Variants in CACUL1 observed in about 807,000 individuals in gnomAD.
The protein encoded by CACUL1 is CDK2-associated and cullin domain-containing protein 1.
A neutral mutation model predicts 45.2 loss-of-function variants in CACUL1; 13 were observed. The observed-to-expected ratio is 0.29, with a 90% CI of 0.19 to 0.46. The LOEUF (loss-of-function observed/expected upper bound fraction) is 0.46, where lower values mean the gene tolerates loss of function less well. Among genes scored for constraint, CACUL1 ranks in the 20% least tolerant of loss-of-function variants. CACUL1 has a pLI of 1.00. For missense variants in CACUL1, 421 were observed against 471.4 expected, an observed-to-expected ratio of 0.89 and a Z score of 0.99; for synonymous variants, 197 against 174.2, an observed-to-expected ratio of 1.13 and a Z score of -1.03.
At chr10:118,700,240 A>G (rs952104119) in intron 5 of CACUL1, among the ~76,000 whole-genome samples, 1 of 152,196 alleles carries the variant, frequency 6.6e-6, no homozygotes, top group African/African-American at 2.4e-5. Flanking sequence ...CTGCCAACCC[A>G]AATATGTGCC....
chr10:118,712,296 G>A (rs141282447), intron 3 of CACUL1, among the ~76,000 whole-genome samples: 102 of 152,308 alleles, frequency 6.7e-4, no homozygotes, highest in African/African-American at 2.4e-3. Flanking sequence ...AAGTCAGTAC[G>A]TGGTGGTGCC....
intron 1 of CACUL1, among the ~76,000 whole-genome samples, chr10:118,735,821 C>T (rs904994546): frequency 2.6e-5 from 4 of 151,890 alleles, no homozygotes; most frequent in African/African-American, 9.7e-5. Context: ...GTAGTAATGG[C>T]AATTATAAAA....
chr10:118,693,847 C>G, intron 6 of CACUL1: 1 of 425,296 alleles, frequency 2.4e-6, no homozygotes, highest in East Asian at 7.0e-5. Context: ...AAGTAAAGCT[C>G]AAACCCTAGA....
chr10:118,716,280 C>T (rs1435402413), intron 3 of CACUL1, among the ~76,000 whole-genome samples: 2 of 147,734 alleles, frequency 1.4e-5, no homozygotes, highest in Non-Finnish European at 3.0e-5. Flanking sequence ...TACCAACATT[C>T]GTAGAAAATT....
intron 1 of CACUL1, among the ~76,000 whole-genome samples, chr10:118,750,668 A>T (rs1334648328): frequency 6.6e-6 from 1 of 152,242 alleles, no homozygotes; most frequent in East Asian, 1.9e-4. Context: ...TCTGGTCCAC[A>T]GAGACTTCGG....
At chr10:118,688,824 C>T (rs1845233345) in intron 7 of CACUL1, among the ~76,000 whole-genome samples, 1 of 152,154 alleles carries the variant, frequency 6.6e-6, no homozygotes, top group Non-Finnish European at 1.5e-5. Context: ...TTCCATGCAC[C>T]TAACAATTAC....
At chr10:118,703,391 A>G (rs191838159) in intron 4 of CACUL1, among the ~76,000 whole-genome samples, 22 of 151,920 alleles carry the variant, frequency 1.4e-4, no homozygotes, top group African/African-American at 5.3e-4. Flanking sequence ...TGCATCTTGG[A>G]AGATTTTTCT....
intron 1 of CACUL1, among the ~76,000 whole-genome samples, chr10:118,743,920 T>C (rs935613828): frequency 6.6e-6 from 1 of 151,880 alleles, no homozygotes; most frequent in African/African-American, 2.4e-5. Context: ...AACTACATTA[T>C]AAGAAATATT....
At chr10:118,691,880 A>AG (rs1278629416) in intron 6 of CACUL1, among the ~76,000 whole-genome samples, 1,535 of 150,626 alleles carry the variant, frequency 0.01, 18 homozygotes, top group Middle Eastern at 0.021. Flanking sequence ...AAAAAAAAAA[A>AG]AAAAAAAAAA....
chr10:118,676,558 AAT>A lies in CACUL1; in HGVS notation c.*9568_*9569del, dbSNP rs1845099503. 1 of 152,244 alleles carries A rather than the reference AAT, an allele frequency of 6.6e-6. No individual in the cohort carries two copies. The highest frequency in any genetic ancestry group is 2.4e-5 in the African/African-American group (1 of 41,464). The allele number at this position is 152,244 out of a possible 1,614,324, so 9.4% of individuals were successfully genotyped here. A position where few individuals can be genotyped will look rare whatever the true frequency, so the allele number is the denominator to read the frequency against. On this transcript the variant is annotated 3_prime_UTR_variant, in exon 9 of 9. Coordinates refer to ENST00000369151, the MANE Select transcript of CACUL1 (RefSeq NM_153810.5). ...TTAATGAAGTGACTTATTCAGCTACAATAGTCATTAAAACCAAGCATGAAAAT... is the reference window on the plus strand; with the variant it reads ...TTAATGAAGTGACTTATTCAGCTACAAGTCATTAAAACCAAGCATGAAAAT...
chr10:118,709,924 TG>T (rs1427123770), intron 3 of CACUL1, among the ~76,000 whole-genome samples: 1 of 152,092 alleles, frequency 6.6e-6, no homozygotes. Flanking sequence ...TTGTACATTT[TG>T]AGAAAGGTCT....
intron 1 of CACUL1, among the ~76,000 whole-genome samples, chr10:118,744,124 G>A (rs1845818088): frequency 1.3e-5 from 2 of 152,168 alleles, no homozygotes; most frequent in South Asian, 4.1e-4. Flanking sequence ...GGTGGCTCAC[G>A]CCTGTAATCC....
At position 118,754,571 on chromosome 10, in the gene CACUL1, G is replaced by C. The variant is rs1227753296; in HGVS notation, c.192C>G (p.Ser64=). The C allele has an allele frequency of 6.2e-7, 1 of 1,610,254 alleles. No individual in the cohort carries two copies. The stretch of plus-strand genomic sequence containing the variant: ...CCTCCTTGGGGCCTTTCCTGTCCAC[G>C]GAGACCGCGGGCACCGCCAGCAGCT... ...GGQLLAVPAV[S]VDRKGPKEGL... The change falls in exon 1 of 9, where the codon TCC becomes TCG. Residue 64 remains serine, a synonymous_variant. Coordinates refer to ENST00000369151, the MANE Select transcript of CACUL1 (RefSeq NM_153810.5).
At chr10:118,742,983 T>C (rs1236153678) in intron 1 of CACUL1, among the ~76,000 whole-genome samples, 1 of 152,198 alleles carries the variant, frequency 6.6e-6, no homozygotes, top group South Asian at 2.1e-4. Flanking sequence ...GATTCTTTAT[T>C]CACTATACTA....
chr10:118,718,544 C>A (rs1385476223), intron 3 of CACUL1, among the ~76,000 whole-genome samples: 1 of 152,178 alleles, frequency 6.6e-6, no homozygotes, highest in Non-Finnish European at 1.5e-5. Flanking sequence ...AAACACCTCA[C>A]GGCCCGTGAA....
chr10:118,695,578 A>G (rs1395485313), intron 5 of CACUL1, among the ~76,000 whole-genome samples: 1 of 152,190 alleles, frequency 6.6e-6, no homozygotes, highest in Non-Finnish European at 1.5e-5. Flanking sequence ...TCATATGATA[A>G]TCTCCCTCAA....
intron 4 of CACUL1, among the ~76,000 whole-genome samples, chr10:118,706,898 C>A (rs1423984614): frequency 6.6e-6 from 1 of 152,212 alleles, no homozygotes; most frequent in Admixed American, 6.5e-5. Context: ...AAGGTAGGAT[C>A]AACCTGAACA....
rs926164480 is a variant in CACUL1, at chr10:118,754,914, C to G, written c.-152G>C. 9 of 1,094,102 alleles carry G rather than the reference C, an allele frequency of 8.2e-6. No individual in the cohort carries two copies. Among genetic ancestry groups the G allele is most frequent in the African/African-American group, 3.3e-5 (2 of 60,078 alleles). The allele number at this position is 1,094,102 out of a possible 1,614,324, so 67.8% of individuals were successfully genotyped here. On this transcript the variant is annotated 5_prime_UTR_variant, in exon 1 of 9. Transcript: ENST00000369151. ...TGCGGTGCGCAGGGTCTCTCGCTCT[C>G]CGCGGGGCCGACTAGCTTGAAGACG...
At chr10:118,691,541 A>C in intron 6 of CACUL1, 138 bp from the exon 7 acceptor site, 1 of 743,116 alleles carries the variant, frequency 1.3e-6, no homozygotes, top group Non-Finnish European at 2.2e-6. Context: ...CCATTCTGGT[A>C]AAGAACATAC....
Sources: allele counts gnomAD v4.1 joint callset (sites outside exome capture counted in the v4.1 genomes callset), GRCh38; gene constraint gnomAD v4.1.1; transcripts MANE v1.5; gene names NCBI Gene and HGNC (gene_info 2026-07-23, HGNC 2026-07-21).